LRCH1: variants seen among roughly 807,000 people sequenced by gnomAD.
LRCH1 encodes the protein leucine-rich repeat and calponin homology domain-containing protein 1.
In LRCH1, 23 loss-of-function variants were observed where a neutral mutation model predicts 94.9. That is an observed-to-expected ratio of 0.24 (90% CI 0.17 to 0.34). The LOEUF (loss-of-function observed/expected upper bound fraction) is 0.34, where lower values mean the gene tolerates loss of function less well. Ranked by LOEUF, LRCH1 falls within the 10% of genes least tolerant of loss-of-function variation. LRCH1 has a pLI of 1.00. For missense variants in LRCH1, 790 were observed against 945.9 expected (o/e 0.84, Z 2.16); for synonymous variants, 364 against 354.9 (o/e 1.03, Z -0.29).
intron 5 of LRCH1, among the ~76,000 whole-genome samples, chr13:46,686,449 G>C (rs1199791514): frequency 6.6e-6 from 1 of 152,140 alleles, no homozygotes; most frequent in African/African-American, 2.4e-5. Context: ...ATGGCCTACT[G>C]TCAAACAAGA....
At chr13:46,680,992 A>G (rs1415884295) in intron 3 of LRCH1, among the ~76,000 whole-genome samples, 1 of 152,168 alleles carries the variant, frequency 6.6e-6, no homozygotes, top group African/African-American at 2.4e-5. Context: ...AGCCAAGAGG[A>G]AGAGTGGGAT....
intron 1 of LRCH1, among the ~76,000 whole-genome samples, chr13:46,626,159 A>G (rs2050946855): frequency 6.6e-6 from 1 of 152,212 alleles, no homozygotes; most frequent in African/African-American, 2.4e-5. Flanking sequence ...AATATGTAAT[A>G]TTAGACTTGA....
intron 1 of LRCH1, among the ~76,000 whole-genome samples, chr13:46,558,506 C>A (rs71432919): frequency 7.7e-6 from 1 of 129,406 alleles, no homozygotes; most frequent in Non-Finnish European, 1.6e-5. Context: ...GAGGCTGAGG[C>A]GGGTGGATCA....
chr13:46,738,321 C>T (rs929991355), intron 19 of LRCH1, among the ~76,000 whole-genome samples: 3 of 152,178 alleles, frequency 2.0e-5, no homozygotes, highest in Admixed American at 6.5e-5. Context: ...AAATAAAACC[C>T]TAAAGTACAT....
At chr13:46,710,171 A>G (rs1406791458) in intron 13 of LRCH1, among the ~76,000 whole-genome samples, 1 of 152,152 alleles carries the variant, frequency 6.6e-6, no homozygotes, top group Non-Finnish European at 1.5e-5. Flanking sequence ...AGATGTTGAA[A>G]AATTTGCAGA....
intron 17 of LRCH1, among the ~76,000 whole-genome samples, chr13:46,723,833 A>G (rs1414365706): frequency 6.6e-6 from 1 of 152,090 alleles, no homozygotes; most frequent in Non-Finnish European, 1.5e-5. Flanking sequence ...AATTGACCTT[A>G]GTGGAGTTTT....
chr13:46,641,751 C>A (rs191554449), intron 1 of LRCH1, among the ~76,000 whole-genome samples: 48 of 152,304 alleles, frequency 3.2e-4, no homozygotes, highest in African/African-American at 1.1e-3. Flanking sequence ...ACACCACTTT[C>A]CTTTTTCATA....
At chr13:46,607,660 T>C (rs79900291) in intron 1 of LRCH1, among the ~76,000 whole-genome samples, 6 of 151,420 alleles carry the variant, frequency 4.0e-5, no homozygotes, top group African/African-American at 1.5e-4. Flanking sequence ...TTTTTTTTTT[T>C]AATATGAGAC....
At chr13:46,694,427 C>T (rs1256619841) in intron 8 of LRCH1, among the ~76,000 whole-genome samples, 1 of 152,178 alleles carries the variant, frequency 6.6e-6, no homozygotes, top group Non-Finnish European at 1.5e-5. Flanking sequence ...TAGTTCCCCT[C>T]CCACATTCTT....
At chr13:46,740,008 T>C (rs1364863410) in intron 19 of LRCH1, among the ~76,000 whole-genome samples, 1 of 152,228 alleles carries the variant, frequency 6.6e-6, no homozygotes, top group African/African-American at 2.4e-5. Context: ...GATAGAATCA[T>C]CTGCTTTTAA....
intron 4 of LRCH1, 22 bp downstream of exon 4, chr13:46,681,868 T>C (rs769488413): frequency 6.9e-7 from 1 of 1,454,764 alleles, no homozygotes; most frequent in Non-Finnish European, 9.6e-7. Flanking sequence ...AGAGGGAAAA[T>C]GAAGAAAATG....
At chr13:46,695,479 C>T (rs888536977) in intron 9 of LRCH1, among the ~76,000 whole-genome samples, 9 of 151,984 alleles carry the variant, frequency 5.9e-5, no homozygotes, top group Admixed American at 1.3e-4. Context: ...TTGTAGGTGC[C>T]CCGAGGCATT....
intron 1 of LRCH1, among the ~76,000 whole-genome samples, chr13:46,567,492 TTGTGTGTGTG>T (rs35848521): frequency 4.9e-5 from 7 of 141,866 alleles, no homozygotes; most frequent in South Asian, 4.5e-4. Flanking sequence ...TAAGGCAATT[TTGTGTGTGTG>T]TGTGTGTGTG....
intron 2 of LRCH1, among the ~76,000 whole-genome samples, chr13:46,654,586 C>A (rs2051347466): frequency 6.6e-6 from 1 of 152,106 alleles, no homozygotes. Flanking sequence ...AAAAAACTTA[C>A]ATATCCAACA....
rs1041634114 is a variant in LRCH1, at chr13:46,694,874, CTCTA to C, written c.1121-17_1121-14del. On this transcript the variant is annotated splice_polypyrimidine_tract_variant and intron_variant, in intron 8 of 19. Coordinates refer to ENST00000389797, the MANE Select transcript of LRCH1 (RefSeq NM_001164211.2). ...GTTCATGAAATCATGCTTTCCATCTCTCTATATTTTCCTAATAGGGGAATTTCAT... is the reference window on the plus strand; with the variant it reads ...GTTCATGAAATCATGCTTTCCATCTCTATTTTCCTAATAGGGGAATTTCAT... The C allele has an allele frequency of 1.2e-6, 2 of 1,613,626 alleles. No individual in the cohort carries two copies. The highest frequency in any genetic ancestry group is 1.7e-5 in the Admixed American group (1 of 59,948).
chr13:46,626,817 T>A (rs9534443), intron 1 of LRCH1, among the ~76,000 whole-genome samples: 3,252 of 152,310 alleles, frequency 0.021, 54 homozygotes, highest in South Asian at 0.056. Flanking sequence ...GCCATTGATA[T>A]TTTCTTTGTT....
At chr13:46,560,558 A>C (rs1223593494) in intron 1 of LRCH1, among the ~76,000 whole-genome samples, 4 of 152,200 alleles carry the variant, frequency 2.6e-5, no homozygotes. Flanking sequence ...AAACGTGTTA[A>C]GGATGGAAGG....
intron 1 of LRCH1, among the ~76,000 whole-genome samples, chr13:46,608,069 G>A (rs1685391454): frequency 6.6e-6 from 1 of 152,194 alleles, no homozygotes; most frequent in African/African-American, 2.4e-5. Flanking sequence ...GATGCACTTC[G>A]ACCCTGGGGT....
At chr13:46,681,960 G>GTGTGTGTGTA (rs1870335553) in intron 4 of LRCH1, 114 bp downstream of exon 4, 8 of 645,806 alleles carry the variant, frequency 1.2e-5, no homozygotes, top group Non-Finnish European at 2.2e-5. Context: ...GTGTGTGTGT[G>GTGTGTGTGTA]TGTGTGCCTA....
Sources: gnomAD v4.1 joint callset for allele counts (sites outside exome capture counted in the v4.1 genomes callset) on GRCh38, gnomAD v4.1.1 for gene constraint, MANE v1.5 for transcripts, NCBI Gene and HGNC (gene_info 2026-07-23, HGNC 2026-07-21) for gene names.